FCHO2: variants seen among roughly 807,000 people sequenced by gnomAD.
FCHO2 encodes the protein F-BAR domain only protein 2.
In FCHO2, 43 loss-of-function variants were observed where a neutral mutation model predicts 114.1. That is an observed-to-expected ratio of 0.38 (90% CI 0.30 to 0.49). The LOEUF (loss-of-function observed/expected upper bound fraction) is 0.49, where lower values mean the gene tolerates loss of function less well. Ranked by LOEUF, FCHO2 falls within the 20% of genes least tolerant of loss-of-function variation. The pLI, the probability that FCHO2 is intolerant of heterozygous loss-of-function variation, is 0.97. For synonymous variants in FCHO2, 293 were observed against 315.2 expected (o/e 0.93, Z 0.75); for missense variants, 807 against 950.4 (o/e 0.85, Z 1.98).
chr5:72,956,243 C>T (rs1185128110), intron 1 of FCHO2, 114 bp downstream of exon 1: 3 of 1,386,372 alleles, frequency 2.2e-6, no homozygotes, highest in Non-Finnish European at 2.9e-6. Context: ...GGGCGAGCGT[C>T]CTCCTGCCGC....
rs558493215 is a variant in FCHO2, at chr5:73,071,911, G to C, written c.1580-2831G>C. 3.0e-4 allele frequency among the ~76,000 whole-genome samples: 45 copies of C among 152,134 alleles called. 1 individual carries two copies. In the South Asian group the frequency reaches 8.3e-3, roughly 28 times the overall value. ...AGAGTCGTGTTATGTGCCCAGATTA[G>C]ATTGTTGAAAAGAATATTTATGCAG... is the stretch of plus-strand genomic sequence containing the variant. On this transcript the variant is annotated intron_variant, in intron 19 of 25. Coordinates refer to ENST00000430046, the MANE Select transcript of FCHO2 (RefSeq NM_138782.3).
intron 8 of FCHO2, among the ~76,000 whole-genome samples, chr5:73,028,451 T>G (rs780790263): frequency 6.6e-6 from 1 of 152,138 alleles, no homozygotes; most frequent in East Asian, 1.9e-4. Context: ...TTGTAGTAGC[T>G]CCAAACTGTA....
At chr5:73,021,094 T>G in intron 8 of FCHO2, 1 of 808,040 alleles carries the variant, frequency 1.2e-6, no homozygotes, top group Non-Finnish European at 2.3e-6. Context: ...GATGATTCGG[T>G]CCCCCAGTGG....
intron 5 of FCHO2, among the ~76,000 whole-genome samples, chr5:72,996,011 G>C (rs757164037): frequency 1.4e-4 from 22 of 152,052 alleles, no homozygotes; most frequent in Admixed American, 3.3e-4. Context: ...GGGAGGCCAC[G>C]GTGGGTGGAT....
Position 73,087,677 on chromosome 5 carries a change from T to G in FCHO2, c.2334T>G (p.Ser778Arg). ...CAGTACAATTCCTCAGCGAGGGAAG[T>G]ACCCTTTCAGGAGTAGATTTCGAAC... is the stretch of plus-strand genomic sequence containing the variant. Reference protein sequence around the residue: ...TLAVQFLSEGSTLSGVDFELV... With the variant: ...TLAVQFLSEGRTLSGVDFELV... Residue 778 changes from serine to arginine, a missense_variant, in exon 25 of 26, where the codon AGT becomes AGG. Coordinates refer to ENST00000430046, the MANE Select transcript of FCHO2 (RefSeq NM_138782.3). The G allele has an allele frequency of 1.3e-5, 21 of 1,613,868 alleles. No homozygotes were observed. The highest frequency in any genetic ancestry group is 1.8e-5 in the Non-Finnish European group (21 of 1,179,816).
chr5:73,078,017 C>G (rs770084062), intron 21 of FCHO2, among the ~76,000 whole-genome samples, 163 bp from the exon 22 acceptor site: 3 of 152,154 alleles, frequency 2.0e-5, no homozygotes, highest in South Asian at 2.1e-4. Context: ...ATCTTTCAAG[C>G]AAGCTTCTCC....
At chr5:72,975,745 T>C (rs1377276502) in intron 2 of FCHO2, among the ~76,000 whole-genome samples, 1 of 152,158 alleles carries the variant, frequency 6.6e-6, no homozygotes, top group Non-Finnish European at 1.5e-5. Context: ...CCTCAGGTGA[T>C]CCACCCATCT....
intron 5 of FCHO2, chr5:72,997,249 T>C (rs1379197453): frequency 8.6e-7 from 1 of 1,166,060 alleles, no homozygotes; most frequent in African/African-American, 1.5e-5. Flanking sequence ...AGAGGCCCCA[T>C]GTGGATTTCT....
At chr5:73,081,196 T>C (rs1743078376) in intron 22 of FCHO2, among the ~76,000 whole-genome samples, 2 of 152,092 alleles carry the variant, frequency 1.3e-5, no homozygotes, top group South Asian at 4.1e-4. Context: ...AGATTGAAAA[T>C]ACAGTTTTCA....
At chr5:72,982,671 G>A (rs1753280145) in intron 2 of FCHO2, among the ~76,000 whole-genome samples, 1 of 152,126 alleles carries the variant, frequency 6.6e-6, no homozygotes, top group Non-Finnish European at 1.5e-5. Flanking sequence ...AATGCGTTTA[G>A]ATACTGTTCT....
At chr5:73,042,303 T>G (rs1756840270) in intron 11 of FCHO2, among the ~76,000 whole-genome samples, 1 of 152,166 alleles carries the variant, frequency 6.6e-6, no homozygotes, top group Non-Finnish European at 1.5e-5. Context: ...AACTAATTAA[T>G]GAAAAGCAGC....
chr5:72,983,761 TC>T (rs1265227266), intron 2 of FCHO2, among the ~76,000 whole-genome samples: 1 of 152,078 alleles, frequency 6.6e-6, no homozygotes, highest in African/African-American at 2.4e-5. Flanking sequence ...TTCTGCTCCT[TC>T]AGTATTTTTT....
chr5:73,035,899 A>C (rs926086317), intron 9 of FCHO2, among the ~76,000 whole-genome samples: 5 of 152,072 alleles, frequency 3.3e-5, no homozygotes, highest in African/African-American at 7.2e-5. Context: ...GCTGGAGTGC[A>C]CTGGCGTGAT....
At chr5:73,069,386 C>T (rs1338110462) in intron 19 of FCHO2, among the ~76,000 whole-genome samples, 1 of 151,996 alleles carries the variant, frequency 6.6e-6, no homozygotes, top group Non-Finnish European at 1.5e-5. Flanking sequence ...AATTATATAA[C>T]TCACCATAGT....
chr5:73,042,546 C>T (rs1455198915), intron 11 of FCHO2, among the ~76,000 whole-genome samples: 2 of 151,694 alleles, frequency 1.3e-5, no homozygotes, highest in African/African-American at 4.8e-5. Flanking sequence ...TAGTACTTAT[C>T]CAGAATACAA....
At chr5:73,039,649 C>T (rs983993728) in intron 10 of FCHO2, among the ~76,000 whole-genome samples, 3 of 148,100 alleles carry the variant, frequency 2.0e-5, no homozygotes, top group African/African-American at 7.5e-5. Flanking sequence ...CCTGGGGGGC[C>T]AGGCCCGGTG....
At chr5:72,970,560 ACT>A in intron 2 of FCHO2, among the ~76,000 whole-genome samples, 1 of 150,972 alleles carries the variant, frequency 6.6e-6, no homozygotes, top group East Asian at 1.9e-4. Context: ...TCCTAAAATG[ACT>A]CCACATTTAT....
At chr5:73,023,447 A>G (rs1297618487) in intron 8 of FCHO2, among the ~76,000 whole-genome samples, 2 of 152,204 alleles carry the variant, frequency 1.3e-5, no homozygotes, top group Non-Finnish European at 2.9e-5. Context: ...CACGCCTGTA[A>G]TCCCAGCACT....
At chr5:73,086,237 C>G (rs919407687) in intron 24 of FCHO2, among the ~76,000 whole-genome samples, 15 of 152,154 alleles carry the variant, frequency 9.9e-5, no homozygotes, top group Admixed American at 1.3e-4. Context: ...GGTTGTTGCT[C>G]TTGGTCTATG....
Sources: allele counts gnomAD v4.1 joint callset (sites outside exome capture counted in the v4.1 genomes callset), GRCh38; gene constraint gnomAD v4.1.1; transcripts MANE v1.5; gene names NCBI Gene and HGNC (gene_info 2026-07-23, HGNC 2026-07-21).